RAB2A: variants seen among roughly 807,000 people sequenced by gnomAD.
The protein encoded by RAB2A is RAB2A, member RAS oncogene family, also known as ras-related protein Rab-2A.
RAB2A carries 7 observed loss-of-function variants against 32.5 expected under a neutral mutation model. The observed-to-expected ratio is 0.22, with a 90% CI of 0.12 to 0.40. RAB2A has a LOEUF of 0.40. Ranked by LOEUF, RAB2A falls within the 10% of genes least tolerant of loss-of-function variation. The pLI, the probability that RAB2A is intolerant of heterozygous loss-of-function variation, is 1.00. For synonymous variants in RAB2A, 79 were observed against 85.2 expected (o/e 0.93, Z 0.40); for missense variants, 108 against 260.7 (o/e 0.41, Z 4.03).
At chr8:60,535,906 G>C (rs1807549405) in intron 1 of RAB2A, among the ~76,000 whole-genome samples, 1 of 152,114 alleles carries the variant, frequency 6.6e-6, no homozygotes, top group Non-Finnish European at 1.5e-5. Context: ...CTCAGTCTAG[G>C]ACACCTGTCT....
At chr8:60,598,551 A>G in intron 6 of RAB2A, among the ~76,000 whole-genome samples, 1 of 101,488 alleles carries the variant, frequency 9.9e-6, no homozygotes, top group East Asian at 2.9e-4. Flanking sequence ...GTGTACGTTT[A>G]TAAAGTATAT....
At chr8:60,546,169 G>T (rs1411547578) in intron 1 of RAB2A, among the ~76,000 whole-genome samples, 1 of 152,244 alleles carries the variant, frequency 6.6e-6, no homozygotes, top group Non-Finnish European at 1.5e-5. Context: ...GGTGGAGGGT[G>T]TGCATGGCTT....
chr8:60,582,810 A>G lies in RAB2A; in HGVS notation c.187-1398A>G, dbSNP rs543239654. On this transcript the variant is annotated intron_variant, in intron 3 of 7. Coordinates refer to ENST00000262646, the MANE Select transcript of RAB2A (RefSeq NM_002865.3). ...GCAGTGACCTTGAGCAGTAGGATAT[A>G]AATAACTCCCACAAGCTTAGCATTC... Among the ~76,000 whole-genome samples the G allele has an allele frequency of 1.2e-4, 18 of 152,322 alleles. No homozygotes were observed. The South Asian group carries it at 3.5e-3, about 30-fold the overall frequency.
intron 6 of RAB2A, among the ~76,000 whole-genome samples, chr8:60,597,087 A>G (rs1328301634): frequency 6.6e-6 from 1 of 152,210 alleles, no homozygotes; most frequent in Non-Finnish European, 1.5e-5. Context: ...CTGCAATCCC[A>G]TTACTGAGTA....
chr8:60,541,178 T>G (rs1174125952), intron 1 of RAB2A, among the ~76,000 whole-genome samples: 2 of 152,056 alleles, frequency 1.3e-5, no homozygotes, highest in African/African-American at 2.4e-5. Flanking sequence ...CATGAAAAAA[T>G]TAGACAAATT....
At chr8:60,534,114 T>C (rs74624496) in intron 1 of RAB2A, among the ~76,000 whole-genome samples, 5,772 of 152,230 alleles carry the variant, frequency 0.038, 331 homozygotes, top group African/African-American at 0.13. Context: ...AATAAAAATA[T>C]GTACGAAGTT....
upstream of RAB2A, chr8:60,516,958 G>C (rs1807212507): frequency 1.0e-5 from 4 of 396,618 alleles, no homozygotes; most frequent in Non-Finnish European, 1.8e-5. Flanking sequence ...TCGGCGCGGA[G>C]GCGGGGCGGA....
At chr8:60,572,495 A>G (rs972046934) in intron 3 of RAB2A, among the ~76,000 whole-genome samples, 2 of 152,336 alleles carry the variant, frequency 1.3e-5, no homozygotes, top group East Asian at 1.9e-4. Context: ...TTTAGTCCTA[A>G]CAACTTGAAG....
chr8:60,582,521 T>G (rs982912344), intron 3 of RAB2A, among the ~76,000 whole-genome samples: 2 of 152,250 alleles, frequency 1.3e-5, no homozygotes, highest in African/African-American at 4.8e-5. Flanking sequence ...TTTTTGTTGT[T>G]TTTTTGTTTT....
chr8:60,618,513 G>T, intron 6 of RAB2A, 67 bp from the exon 7 acceptor site: 2 of 765,970 alleles, frequency 2.6e-6, no homozygotes, highest in Non-Finnish European at 3.7e-6. Context: ...ATATTCTATA[G>T]AGCATATATA....
intron 1 of RAB2A, among the ~76,000 whole-genome samples, chr8:60,533,831 G>A (rs1396490584): frequency 1.3e-5 from 2 of 152,144 alleles, no homozygotes; most frequent in African/African-American, 4.8e-5. Context: ...TTAGCTGGGC[G>A]TGGTGGTGGG....
chr8:60,554,444 T>A (rs13439252), intron 1 of RAB2A, among the ~76,000 whole-genome samples: 1 of 152,026 alleles, frequency 6.6e-6, no homozygotes, highest in Admixed American at 6.5e-5. Context: ...CTGTGTTTTG[T>A]TCTTTTCTAT....
chr8:60,561,465 A>C (rs369157826), intron 2 of RAB2A, among the ~76,000 whole-genome samples: 35 of 152,264 alleles, frequency 2.3e-4, no homozygotes, highest in Middle Eastern at 3.4e-3. Flanking sequence ...CAGAGCTCTT[A>C]AGGAGGGAAC....
At chr8:60,578,264 A>G (rs1803675494) in intron 3 of RAB2A, among the ~76,000 whole-genome samples, 1 of 152,254 alleles carries the variant, frequency 6.6e-6, no homozygotes, top group Non-Finnish European at 1.5e-5. Flanking sequence ...TGAAGAGGAA[A>G]AAAGATAAGC....
chr8:60,576,899 A>AT (rs1052415484), intron 3 of RAB2A, among the ~76,000 whole-genome samples: 2 of 152,080 alleles, frequency 1.3e-5, no homozygotes, highest in African/African-American at 4.8e-5. Context: ...ATTCATCAAC[A>AT]TTTTTTTGAA....
chr8:60,599,456 G>A (rs928278210), intron 6 of RAB2A, among the ~76,000 whole-genome samples: 3 of 152,188 alleles, frequency 2.0e-5, no homozygotes, highest in African/African-American at 7.2e-5. Context: ...TATATGGAAA[G>A]GCAGAAGAAC....
At chr8:60,581,943 TTTC>T (rs1803763652) in intron 3 of RAB2A, among the ~76,000 whole-genome samples, 1 of 130,016 alleles carries the variant, frequency 7.7e-6, no homozygotes, top group African/African-American at 3.6e-5. Context: ...GTTGTTTTTC[TTTC>T]TTTTTTTTTT....
chr8:60,531,062 G>GT (rs1208260547), intron 1 of RAB2A, among the ~76,000 whole-genome samples: 1 of 152,088 alleles, frequency 6.6e-6, no homozygotes, highest in Admixed American at 6.5e-5. Context: ...GTTTTGTTTT[G>GT]TTTTTTTCCC....
chr8:60,579,422 C>T (rs1202569856), intron 3 of RAB2A, among the ~76,000 whole-genome samples: 1 of 152,166 alleles, frequency 6.6e-6, no homozygotes, highest in Non-Finnish European at 1.5e-5. Flanking sequence ...CCACTCCACC[C>T]CAAGTTTGTT....
Sources: allele counts gnomAD v4.1 joint callset (sites outside exome capture counted in the v4.1 genomes callset), GRCh38; gene constraint gnomAD v4.1.1; transcripts MANE v1.5; gene names NCBI Gene and HGNC (gene_info 2026-07-23, HGNC 2026-07-21).